The following MSI2 variants were observed in gnomAD, a reference collection of about 807,000 sequenced individuals.
The protein encoded by MSI2 is RNA-binding protein Musashi homolog 2.
Under a neutral mutation model 45.6 loss-of-function variants are expected in MSI2, and 17 were observed. The ratio of observed to expected loss-of-function variants is 0.37; its 90% CI spans 0.26 to 0.56. MSI2 has a LOEUF of 0.56. MSI2 is among the 20% of genes least tolerant of loss of function. The probability of loss-of-function intolerance (pLI) is 0.77; values close to 1 mark genes in which losing one functional copy is unlikely to be tolerated. For synonymous variants in MSI2, 156 were observed against 158.2 expected (o/e 0.99, Z 0.11); for missense variants, 293 against 444.2 (o/e 0.66, Z 3.06).
chr17:57,541,336 T>C (rs17834557), intron 7 of MSI2, among the ~76,000 whole-genome samples: 14,518 of 152,076 alleles, frequency 0.095, 875 homozygotes, highest in Non-Finnish European at 0.14. Flanking sequence ...TTCTAGCTGG[T>C]TCATTCAACT....
chr17:57,365,778 C>T (rs1017702709), intron 5 of MSI2, among the ~76,000 whole-genome samples: 1 of 152,200 alleles, frequency 6.6e-6, no homozygotes, highest in African/African-American at 2.4e-5. Flanking sequence ...TGTGCACTTA[C>T]TGGACAGTAT....
At chr17:57,513,460 G>T (rs1233405441) in intron 6 of MSI2, among the ~76,000 whole-genome samples, 2 of 152,190 alleles carry the variant, frequency 1.3e-5, no homozygotes, top group Admixed American at 1.3e-4. Flanking sequence ...GTCTGTACTG[G>T]TGAGCTGGGA....
chr17:57,407,852 G>C lies in MSI2; in HGVS notation c.405+6381G>C, dbSNP rs922496154. Among the ~76,000 whole-genome samples the C allele has an allele frequency of 6.6e-6, 1 of 152,228 alleles. No individual in the cohort carries two copies. Among genetic ancestry groups the C allele is most frequent in the Non-Finnish European group, 1.5e-5 (1 of 68,046 alleles). On this transcript the variant is annotated intron_variant, in intron 6 of 13. Coordinates refer to ENST00000284073, the MANE Select transcript of MSI2 (RefSeq NM_138962.4). The surrounding 1 kb of genome is among the most constrained non-coding windows in gnomAD (Gnocchi z 4.1). ...GTTTTATTAATCTTCTGCCTGGTTT[G>C]TGTCAGCATCTCCCTCTGGAAGTGT...
chr17:57,433,171 C>A (rs999446563), intron 6 of MSI2, among the ~76,000 whole-genome samples: 5 of 152,168 alleles, frequency 3.3e-5, no homozygotes, highest in African/African-American at 1.2e-4. Context: ...CTGCAGGCGG[C>A]TTCTCTAAGG....
chr17:57,350,405 G>C (rs752996505), intron 5 of MSI2, among the ~76,000 whole-genome samples: 1 of 152,176 alleles, frequency 6.6e-6, no homozygotes, highest in Non-Finnish European at 1.5e-5. Context: ...TTTGTGCAAG[G>C]AAGGGATGTG....
At position 57,624,600 on chromosome 17, in the gene MSI2, C is replaced by T. The variant is rs141223553; in HGVS notation, c.653-2629C>T. On this transcript the variant is annotated intron_variant, in intron 9 of 13. Transcript: ENST00000284073. ...GTGCAGAGCTGCTGGGTCCTTCTGCCTCGCTTGGGCAGGCTTCTGTCAATG... is the reference window on the plus strand; with the variant it reads ...GTGCAGAGCTGCTGGGTCCTTCTGCTTCGCTTGGGCAGGCTTCTGTCAATG... 9.1e-4 allele frequency among the ~76,000 whole-genome samples: 139 copies of T among 152,292 alleles called. 1 individual carries two copies. Among genetic ancestry groups the T allele is most frequent in the South Asian group, 3.7e-3 (18 of 4,824 alleles).
At chr17:57,534,765 A>G (rs545692836) in intron 7 of MSI2, among the ~76,000 whole-genome samples, 1 of 152,162 alleles carries the variant, frequency 6.6e-6, no homozygotes, top group African/African-American at 2.4e-5. Context: ...CCTGTCCCTC[A>G]CTTCATTTCC....
At chr17:57,541,206 T>G (rs1237245061) in intron 7 of MSI2, among the ~76,000 whole-genome samples, 1 of 152,208 alleles carries the variant, frequency 6.6e-6, no homozygotes, top group East Asian at 1.9e-4. Context: ...AGTTTACATT[T>G]TAATTTAGTG....
intron 7 of MSI2, among the ~76,000 whole-genome samples, chr17:57,574,445 G>A (rs2087960035): frequency 2.0e-5 from 3 of 152,226 alleles, no homozygotes; most frequent in South Asian, 4.1e-4. Flanking sequence ...GAAGGATGGT[G>A]CATGGGCGGG....
At chr17:57,415,102 C>G (rs1369023238) in intron 6 of MSI2, among the ~76,000 whole-genome samples, 1 of 152,128 alleles carries the variant, frequency 6.6e-6, no homozygotes, top group African/African-American at 2.4e-5. Flanking sequence ...AGAGCGTTGA[C>G]TCATCTAGGC....
chr17:57,338,259 TC>T (rs1230255600), intron 5 of MSI2, among the ~76,000 whole-genome samples: 1 of 152,096 alleles, frequency 6.6e-6, no homozygotes, highest in Non-Finnish European at 1.5e-5. Flanking sequence ...CAGCTAAATT[TC>T]TGTATTTTTA....
intron 5 of MSI2, among the ~76,000 whole-genome samples, chr17:57,358,202 G>GTGT (rs58628603): frequency 2.7e-5 from 4 of 150,614 alleles, no homozygotes; most frequent in Non-Finnish European, 3.0e-5. Context: ...TGTGTGTGGG[G>GTGT]GGGTGTGTGT....
intron 5 of MSI2, among the ~76,000 whole-genome samples, chr17:57,353,163 A>C (rs1228023494): frequency 2.0e-5 from 3 of 152,148 alleles, no homozygotes; most frequent in Non-Finnish European, 4.4e-5. Flanking sequence ...AGAGAAGGAC[A>C]CTTTTCATTC....
At chr17:57,325,860 C>T (rs980201284) in intron 5 of MSI2, among the ~76,000 whole-genome samples, 4 of 152,154 alleles carry the variant, frequency 2.6e-5, no homozygotes, top group African/African-American at 4.8e-5. Context: ...GGATCTGCCC[C>T]GGCCTCATTT....
At chr17:57,695,646 C>T in the MSI2 span, among the ~76,000 whole-genome samples, 1 of 152,176 alleles carries the variant, frequency 6.6e-6, no homozygotes, top group African/African-American at 2.4e-5. Context: ...GATAAATTAA[C>T]ATAAGGACTC....
At chr17:57,356,733 A>G (rs1306739955) in intron 5 of MSI2, among the ~76,000 whole-genome samples, 1 of 152,142 alleles carries the variant, frequency 6.6e-6, no homozygotes, top group Admixed American at 6.5e-5. Flanking sequence ...TAAGAACTGT[A>G]TTTGAACTGC....
At chr17:57,479,196 G>T (rs2085600564) in intron 6 of MSI2, among the ~76,000 whole-genome samples, 1 of 152,164 alleles carries the variant, frequency 6.6e-6, no homozygotes, top group Non-Finnish European at 1.5e-5. Flanking sequence ...CAGCAATCAG[G>T]ATGAAGGACA....
intron 7 of MSI2, among the ~76,000 whole-genome samples, chr17:57,540,637 G>A (rs953300188): frequency 1.3e-5 from 2 of 152,174 alleles, no homozygotes; most frequent in African/African-American, 4.8e-5. Flanking sequence ...GAGACACAGG[G>A]AGATGGCCAC....
chr17:57,590,086 T>C (rs1044883935), intron 7 of MSI2, among the ~76,000 whole-genome samples: 1 of 152,260 alleles, frequency 6.6e-6, no homozygotes, highest in African/African-American at 2.4e-5. Context: ...ACCTTAAATT[T>C]CTCATGGGAT....
Sources: gnomAD v4.1 joint callset for allele counts (sites outside exome capture counted in the v4.1 genomes callset) on GRCh38, gnomAD v4.1.1 for gene constraint, Gnocchi (gnomAD v3.1) non-coding constraint, MANE v1.5 for transcripts, NCBI Gene and HGNC (gene_info 2026-07-23, HGNC 2026-07-21) for gene names.